SYNPO2L: variants seen among roughly 807,000 people sequenced by gnomAD.
SYNPO2L encodes the protein synaptopodin 2-like protein.
In SYNPO2L, 34 loss-of-function variants were observed where a neutral mutation model predicts 47.5. The ratio of observed to expected loss-of-function variants is 0.72; its 90% confidence interval spans 0.54 to 0.95. The LOEUF is 0.95. SYNPO2L is among the 40% of genes least tolerant of loss of function. SYNPO2L has a pLI of 0.00. For missense variants in SYNPO2L, 1,246 were observed against 1,282.0 expected (o/e 0.97, Z 0.43); for synonymous variants, 536 against 524.9 (o/e 1.02, Z -0.29).
Position 73,647,617 on chromosome 10 carries a change from G to A in SYNPO2L, c.2035C>T (p.Leu679Phe), listed in dbSNP as rs1046012505. Residue 679 changes from leucine (L) to phenylalanine (F), a missense_variant, in exon 4 of 4, where the codon CTC (leucine) becomes TTC (phenylalanine). Leu to Phe is a conservative substitution (Grantham distance 22, BLOSUM62 0). Transcript: ENST00000394810. ...ATGAAGTTGCAGGCTTCAGCCCCGA[G>A]GCTCAGAGCATCTTCTTCAGGACCA... ...ESGPEEDALS[L>F]GAEACNFMQP... 12 of 1,614,158 alleles carry A rather than the reference G, an allele frequency of 7.4e-6. No individual in the cohort carries two copies. Among genetic ancestry groups the A allele is most frequent in the Middle Eastern group, 1.7e-4 (1 of 6,058 alleles).
chr10:73,651,856 A>G (rs570086493), intron 3 of SYNPO2L, among the ~76,000 whole-genome samples: 266 of 152,138 alleles, frequency 1.7e-3, no homozygotes, highest in African/African-American at 5.8e-3. Flanking sequence ...CGGGTGGATC[A>G]CAAGGTCAGG....
At position 73,645,874 on chromosome 10, in the gene SYNPO2L, G is replaced by C. The variant is rs1460759126; in HGVS notation, c.*844C>G. On this transcript the variant is annotated 3_prime_UTR_variant, in exon 4 of 4. Transcript: ENST00000394810. ...GAGTCTCGCTCCGTCGCCCAGGCTG[G>C]AGTGCAGTGGCGCAATCTCAGCTCA... 10 of 981,296 alleles carry C rather than the reference G, an allele frequency of 1.0e-5. No homozygotes were observed. The highest frequency in any genetic ancestry group is 1.2e-5 in the Non-Finnish European group (10 of 825,894). The allele number at this position is 981,296 out of a possible 1,614,324, so 60.8% of individuals were successfully genotyped here. A position where few individuals can be genotyped will look rare whatever the true frequency, so the allele number is the denominator to read the frequency against.
intron 2 of SYNPO2L, 63 bp downstream of exon 2, chr10:73,654,066 T>A (rs1014258528): frequency 6.5e-7 from 1 of 1,527,024 alleles, no homozygotes; most frequent in East Asian, 2.5e-5. Flanking sequence ...CAGTGAGACA[T>A]AGAGCTGAGA....
chr10:73,645,515 CT>C lies in SYNPO2L; in HGVS notation c.*1202del. On this transcript the variant is annotated 3_prime_UTR_variant, in exon 4 of 4. Transcript: ENST00000394810. ...TTTGTTCATTCTCGGAGGGAATTTT[CT>C]TTCTTTTTTTCATTTCCTGGGTACT... 1 of 995,350 alleles carries C rather than the reference CT, an allele frequency of 1.0e-6. No individual in the cohort carries two copies. The highest frequency in any genetic ancestry group is 1.2e-6 in the Non-Finnish European group (1 of 837,176). The allele number at this position is 995,350 out of a possible 1,614,324, so 61.7% of individuals were successfully genotyped here. A position where few individuals can be genotyped will look rare whatever the true frequency, so the allele number is the denominator to read the frequency against.
In SYNPO2L at chr10:73,646,413, G is replaced by A; in HGVS notation, c.*305C>T. On this transcript the variant is annotated 3_prime_UTR_variant, in exon 4 of 4. Coordinates refer to ENST00000394810, the MANE Select transcript of SYNPO2L (RefSeq NM_001114133.3). Reference sequence around the variant, plus strand: ...GAGGCCCAGGGAGAAAAGCACAAATGTCAAGGAAGAGAGATCTGTGGAGGA... The same window carrying A: ...GAGGCCCAGGGAGAAAAGCACAAATATCAAGGAAGAGAGATCTGTGGAGGA... The A allele has an allele frequency of 9.1e-7, 1 of 1,099,092 alleles. No homozygotes were observed. The highest frequency in any genetic ancestry group is 1.1e-6 in the Non-Finnish European group (1 of 904,754). The allele number at this position is 1,099,092 out of a possible 1,614,324, so 68.1% of individuals were successfully genotyped here. A position where few individuals can be genotyped will look rare whatever the true frequency, so the allele number is the denominator to read the frequency against.
At position 73,647,043 on chromosome 10, in the gene SYNPO2L, G is replaced by A; in HGVS notation, c.2609C>T (p.Thr870Ile). 1 of 1,613,994 alleles carries A rather than the reference G, an allele frequency of 6.2e-7. No homozygotes were observed. Among genetic ancestry groups the A allele is most frequent in the Non-Finnish European group, 8.5e-7 (1 of 1,179,942 alleles). Residue 870 changes from threonine to isoleucine, a missense_variant, in exon 4 of 4, where the codon ACT becomes ATT. Physicochemically the swap from Thr to Ile is moderately conservative, Grantham distance 89. Coordinates refer to ENST00000394810, the MANE Select transcript of SYNPO2L (RefSeq NM_001114133.3). ...GGACCCTGAGGCGATAGGGCCAGGA[G>A]TCGGGGGAACCTCATCAAAACAGAA... Reference protein sequence around the residue: ...AMFCFDEVPPTPGPIASGSPK... With the variant: ...AMFCFDEVPPIPGPIASGSPK...
intron 3 of SYNPO2L, among the ~76,000 whole-genome samples, chr10:73,652,081 AAAAAAAAAAC>A (rs1367324377): frequency 7.0e-6 from 1 of 142,234 alleles, no homozygotes; most frequent in Admixed American, 7.1e-5. Context: ...AAAAAAAAAA[AAAAAAAAAAC>A]CAGAAAAAAA....
At chr10:73,653,741 G>T in intron 2 of SYNPO2L, 88 bp from the exon 3 acceptor site, 1 of 1,429,056 alleles carries the variant, frequency 7.0e-7, no homozygotes, top group Non-Finnish European at 9.2e-7. Context: ...AGAGGTAAGG[G>T]GGAGGGAAGA....
rs1180092917 is a variant in SYNPO2L at position 73,646,747 on chromosome 10, CAT to C, written c.2903_2904del (p.His968ArgfsTer126). The C allele has an allele frequency of 6.6e-7, 1 of 1,508,662 alleles. No individual in the cohort carries two copies. Among genetic ancestry groups the C allele is most frequent in the Non-Finnish European group, 8.9e-7 (1 of 1,129,132 alleles). The allele number at this position is 1,508,662 out of a possible 1,614,324, so 93.5% of individuals were successfully genotyped here. On this transcript the variant is annotated frameshift_variant, in exon 4 of 4. Coordinates refer to ENST00000394810, the MANE Select transcript of SYNPO2L (RefSeq NM_001114133.3). LOFTEE classifies it high-confidence loss of function. Reference protein sequence around the residue: ...FSATRTGLQAHVWRPGAGHQ With the variant: ...FSATRTGLQAXVWRPGAGHQ ...TGGTGCCCTGCCCCAGGCCTCCACA[CAT>C]GAGCTTGCAATCCTGTTCTGGTGGC... is the stretch of plus-strand genomic sequence containing the variant.
chr10:73,648,943 A>G (rs962200462), intron 3 of SYNPO2L, 64 bp from the exon 4 acceptor site: 4 of 1,423,542 alleles, frequency 2.8e-6, no homozygotes, highest in Non-Finnish European at 3.7e-6. Context: ...CCTGTTCCCC[A>G]AGGCTTTCAC....
intron 2 of SYNPO2L, chr10:73,653,919 C>T (rs1357570551): frequency 4.0e-6 from 3 of 744,034 alleles, no homozygotes; most frequent in Non-Finnish European, 6.4e-6. Context: ...GTAGGCTCAT[C>T]AGTCAAATAC....
rs1261599196 is a variant in SYNPO2L, at chr10:73,647,731, T to G, written c.1921A>C (p.Lys641Gln). Reference sequence around the variant, plus strand: ...TTGGGCGAGTTCTTCGTCTCCTCCTTTCCCGGCCGGAACATCTGCTTCCGG... The same window carrying G: ...TTGGGCGAGTTCTTCGTCTCCTCCTGTCCCGGCCGGAACATCTGCTTCCGG... ...GTRKQMFRPG[K>Q]EETKNSPNPE... is the part of the protein sequence containing the mutation. The change falls in exon 4 of 4, where the codon AAG becomes CAG. Residue 641 changes from lysine to glutamine, a missense_variant. Coordinates refer to ENST00000394810, the MANE Select transcript of SYNPO2L (RefSeq NM_001114133.3). 1 of 1,614,040 alleles carries G rather than the reference T, an allele frequency of 6.2e-7. No homozygotes were observed. Among genetic ancestry groups the G allele is most frequent in the Admixed American group, 1.7e-5 (1 of 60,018 alleles).
Position 73,648,621 on chromosome 10 carries a change from CG to C in SYNPO2L, c.1030del (p.Arg344AlafsTer37). 7 of 1,614,004 alleles carry C rather than the reference CG, an allele frequency of 4.3e-6. No individual in the cohort carries two copies. Among genetic ancestry groups the C allele is most frequent in the Non-Finnish European group, 5.9e-6 (7 of 1,179,886 alleles). Reference protein sequence around the residue: ...ELDEEAFSDARSLTNQSDWDS... With the variant: ...ELDEEAFSDAXSLTNQSDWDS... ...CCAGTCAGATTGATTGGTGAGGCTG[CG>C]GGCGTCAGAGAAGGCTTCTTCGTCC... On this transcript the variant is annotated frameshift_variant, in exon 4 of 4. Coordinates refer to ENST00000394810, the MANE Select transcript of SYNPO2L (RefSeq NM_001114133.3). LOFTEE classifies it low-confidence loss of function (END_TRUNC).
In SYNPO2L at chr10:73,647,165, A is replaced by AGG. The variant is rs2081765063; in HGVS notation, c.2485_2486dup (p.Lys830LeufsTer19). 1 of 1,613,842 alleles carries AGG rather than the reference A, an allele frequency of 6.2e-7. No homozygotes were observed. Among genetic ancestry groups the AGG allele is most frequent in the Non-Finnish European group, 8.5e-7 (1 of 1,179,882 alleles). ...CCCGAGGCCCCTGGGATTGGGCCTTAGGGAGAGTTCGGGCCGCCTGGGGGA... is the reference window on the plus strand; with the variant it reads ...CCCGAGGCCCCTGGGATTGGGCCTTAGGGGGAGAGTTCGGGCCGCCTGGGGGA... On this transcript the variant is annotated frameshift_variant, in exon 4 of 4. Coordinates refer to ENST00000394810, the MANE Select transcript of SYNPO2L (RefSeq NM_001114133.3). LOFTEE classifies it high-confidence loss of function.
chr10:73,651,369 C>T (rs1345357968), intron 3 of SYNPO2L, among the ~76,000 whole-genome samples: 3 of 152,124 alleles, frequency 2.0e-5, no homozygotes, highest in Non-Finnish European at 2.9e-5. Flanking sequence ...ATATTGGACA[C>T]TCAGGGATGT....
chr10:73,646,242 C>T lies in SYNPO2L; in HGVS notation c.*476G>A, dbSNP rs2081747761. On this transcript the variant is annotated 3_prime_UTR_variant, in exon 4 of 4. Coordinates refer to ENST00000394810, the MANE Select transcript of SYNPO2L (RefSeq NM_001114133.3). The stretch of plus-strand genomic sequence containing the variant: ...CAGGCCTAGGTATATGCCAGTCAAG[C>T]TTGGGAAAGCAGAGTGGGGGGTGGG... 1 of 990,028 alleles carries T rather than the reference C, an allele frequency of 1.0e-6. No individual in the cohort carries two copies. Among genetic ancestry groups the T allele is most frequent in the South Asian group, 4.6e-5 (1 of 21,696 alleles). 61.3% of individuals were successfully genotyped at this position (990,028 alleles called of 1,614,324 possible). A position where few individuals can be genotyped will look rare whatever the true frequency, so the allele number is the denominator to read the frequency against.
In SYNPO2L at chr10:73,646,658, G is replaced by A. The variant is rs900507997; in HGVS notation, c.*60C>T. 8.5e-6 allele frequency: 12 copies of A among 1,413,460 alleles called. No homozygotes were observed. The highest frequency in any genetic ancestry group is 1.4e-5 in the African/African-American group (1 of 69,568). The allele number at this position is 1,413,460 out of a possible 1,614,324, so 87.6% of individuals were successfully genotyped here. On this transcript the variant is annotated 3_prime_UTR_variant, in exon 4 of 4. Transcript: ENST00000394810. ...CGTGACAGGGGATGGGATAGGGTAG[G>A]AGAAGCAACTTTAGGAACTGGATGT... is the stretch of plus-strand genomic sequence containing the variant.
rs574977812 is a variant in SYNPO2L at position 73,645,815 on chromosome 10, T to C, written c.*903A>G. 8.1e-6 allele frequency: 8 copies of C among 985,936 alleles called. No homozygotes were observed. The Admixed American group carries it at 3.7e-4, about 45-fold the overall frequency. The allele number at this position is 985,936 out of a possible 1,614,324, so 61.1% of individuals were successfully genotyped here. The stretch of plus-strand genomic sequence containing the variant: ...TATCAGTACAACGATAAGACTCAGA[T>C]TGGGTCTTTTGTTTGTTTGTTTGTT... On this transcript the variant is annotated 3_prime_UTR_variant, in exon 4 of 4. Transcript: ENST00000394810.
chr10:73,646,689 C>T lies in SYNPO2L; in HGVS notation c.*29G>A, dbSNP rs766117288. The T allele has an allele frequency of 1.4e-6, 2 of 1,423,376 alleles. No homozygotes were observed. Among genetic ancestry groups the T allele is most frequent in the Admixed American group, 2.6e-5 (1 of 38,796 alleles). The allele number at this position is 1,423,376 out of a possible 1,614,324, so 88.2% of individuals were successfully genotyped here. A position where few individuals can be genotyped will look rare whatever the true frequency, so the allele number is the denominator to read the frequency against. On this transcript the variant is annotated 3_prime_UTR_variant, in exon 4 of 4. Transcript: ENST00000394810. ...CAACTTTAGGAACTGGATGTTCCAC[C>T]TCTCCTTGGTCCTGGGACCTGTGCC... is the stretch of plus-strand genomic sequence containing the variant.
Sources: gnomAD v4.1 joint callset for allele counts (sites outside exome capture counted in the v4.1 genomes callset) on GRCh38, gnomAD v4.1.1 for gene constraint, MANE v1.5 for transcripts, NCBI Gene and HGNC (gene_info 2026-07-23, HGNC 2026-07-21) for gene names.